DIP2B: variants seen among roughly 807,000 people sequenced by gnomAD.
DIP2B encodes DIP2 acetate--CoA ligase B (putative), also known as disco-interacting protein 2 homolog B.
In DIP2B, 76 loss-of-function variants were observed where a neutral mutation model predicts 198.0. The observed-to-expected ratio is 0.38, with a 90% CI of 0.32 to 0.46. The LOEUF (loss-of-function observed/expected upper bound fraction) is 0.46, where lower values mean the gene tolerates loss of function less well. Ranked by LOEUF, DIP2B falls within the 20% of genes least tolerant of loss-of-function variation. The probability of loss-of-function intolerance (pLI) is 0.99; values close to 1 mark genes in which losing one functional copy is unlikely to be tolerated. For synonymous variants in DIP2B, 701 were observed against 739.1 expected, an observed-to-expected ratio of 0.95 and a Z score of 0.84; for missense variants, 1,559 against 1,978.4, an observed-to-expected ratio of 0.79 and a Z score of 4.02.
intron 13 of DIP2B, among the ~76,000 whole-genome samples, chr12:50,691,689 T>A (rs1265735730): frequency 1.3e-5 from 2 of 152,158 alleles, no homozygotes; most frequent in African/African-American, 4.8e-5. Flanking sequence ...CAGACAACAA[T>A]GTTCTATCAT....
intron 1 of DIP2B, among the ~76,000 whole-genome samples, chr12:50,599,045 TCTGG>T (rs1299105103): frequency 1.5e-5 from 2 of 136,732 alleles, no homozygotes; most frequent in African/African-American, 5.6e-5. Flanking sequence ...ATCCCAGCAC[TCTGG>T]GAGTCTGAGG....
intron 25 of DIP2B, among the ~76,000 whole-genome samples, chr12:50,720,022 C>G (rs920515999): frequency 6.6e-6 from 1 of 150,634 alleles, no homozygotes; most frequent in South Asian, 2.1e-4. Context: ...CCTCTGCCTC[C>G]TGGGTTCAAG....
intron 1 of DIP2B, among the ~76,000 whole-genome samples, chr12:50,521,146 G>A (rs1958114579): frequency 8.1e-6 from 1 of 122,736 alleles, no homozygotes; most frequent in Admixed American, 1.0e-4. Flanking sequence ...TCCCTCTGTC[G>A]CCCAGGCTGG....
chr12:50,509,834 G>T (rs1957999075), intron 1 of DIP2B, among the ~76,000 whole-genome samples: 1 of 152,164 alleles, frequency 6.6e-6, no homozygotes, highest in Non-Finnish European at 1.5e-5. Flanking sequence ...AGATTCGTAG[G>T]ATACACCTTT....
intron 19 of DIP2B, among the ~76,000 whole-genome samples, chr12:50,699,897 C>CA (rs71441394): frequency 0.3 from 42,561 of 141,784 alleles, 6,244 homozygotes; most frequent in East Asian, 0.44. Flanking sequence ...ACAACAAAAC[C>CA]AAAAAAAAAA....
chr12:50,559,103 G>A (rs913166531), intron 1 of DIP2B, among the ~76,000 whole-genome samples: 1 of 152,118 alleles, frequency 6.6e-6, no homozygotes, highest in African/African-American at 2.4e-5. Context: ...CCAGTAGCAT[G>A]TACCAAGGTG....
Position 50,554,364 on chromosome 12 carries a change from A to T in DIP2B, c.100+49124A>T, listed in dbSNP as rs550021716. On this transcript the variant is annotated intron_variant, in intron 1 of 37. Coordinates refer to ENST00000301180, the MANE Select transcript of DIP2B (RefSeq NM_173602.3). Reference sequence around the variant, plus strand: ...TGTAAATGCTGTTGATAGCTAAATCATGTGGTATACTTTTATTTTTTTCTT... The same window carrying T: ...TGTAAATGCTGTTGATAGCTAAATCTTGTGGTATACTTTTATTTTTTTCTT... Among the ~76,000 whole-genome samples the T allele has an allele frequency of 6.6e-5, 10 of 152,132 alleles. No individual in the cohort carries two copies. The Middle Eastern group carries it at 0.014, about 207-fold the overall frequency.
At chr12:50,563,486 CTTT>C (rs71083598) in intron 1 of DIP2B, among the ~76,000 whole-genome samples, 7 of 115,536 alleles carry the variant, frequency 6.1e-5, no homozygotes, top group Non-Finnish European at 8.6e-5. Context: ...TGCACCTGGC[CTTT>C]TTTTTTTTTT....
At chr12:50,700,897 A>G (rs1939405642) in intron 19 of DIP2B, among the ~76,000 whole-genome samples, 1 of 152,184 alleles carries the variant, frequency 6.6e-6, no homozygotes, top group South Asian at 2.1e-4. Flanking sequence ...CCCAGGCTGG[A>G]ATACGGTGGC....
intron 1 of DIP2B, among the ~76,000 whole-genome samples, chr12:50,575,391 G>GT (rs55820615): frequency 0.3 from 44,927 of 150,302 alleles, 6,897 homozygotes; most frequent in South Asian, 0.38. Flanking sequence ...GTTTTGTTTT[G>GT]TTTTTTTTTG....
At chr12:50,517,947 A>G (rs983981395) in intron 1 of DIP2B, among the ~76,000 whole-genome samples, 2 of 152,162 alleles carry the variant, frequency 1.3e-5, no homozygotes, top group African/African-American at 4.8e-5. Context: ...ATAAGTAGTC[A>G]TCAGTTATTG....
At position 50,685,964 on chromosome 12, in the gene DIP2B, A is replaced by G; in HGVS notation, c.1441+8A>G. The G allele has an allele frequency of 6.2e-7, 1 of 1,607,912 alleles. No homozygotes were observed. The highest frequency in any genetic ancestry group is 8.5e-7 in the Non-Finnish European group (1 of 1,178,018). On this transcript the variant is annotated splice_region_variant and intron_variant, in intron 11 of 37. Coordinates refer to ENST00000301180, the MANE Select transcript of DIP2B (RefSeq NM_173602.3). ...AAATTGTACAGTTTAAAGGTTAGTAACATTGTACCTGAATTATCAGTTAAA... is the reference window on the plus strand; with the variant it reads ...AAATTGTACAGTTTAAAGGTTAGTAGCATTGTACCTGAATTATCAGTTAAA...
chr12:50,579,482 G>A (rs1023447967), intron 1 of DIP2B, among the ~76,000 whole-genome samples: 4 of 150,166 alleles, frequency 2.7e-5, no homozygotes, highest in Admixed American at 6.7e-5. Flanking sequence ...TGTGGTGGCA[G>A]GTGCCTGTAA....
chr12:50,577,728 A>G (rs923141367), intron 1 of DIP2B, among the ~76,000 whole-genome samples: 2 of 151,860 alleles, frequency 1.3e-5, no homozygotes, highest in Non-Finnish European at 2.9e-5. Flanking sequence ...ATTCTTATAA[A>G]TGTCTTTTCA....
At chr12:50,564,364 T>C (rs1368480536) in intron 1 of DIP2B, among the ~76,000 whole-genome samples, 1 of 152,216 alleles carries the variant, frequency 6.6e-6, no homozygotes, top group Non-Finnish European at 1.5e-5. Context: ...AGAATTTCTT[T>C]CAATGTATGC....
At chr12:50,700,397 A>G (rs772234766) in intron 19 of DIP2B, among the ~76,000 whole-genome samples, 13 of 152,182 alleles carry the variant, frequency 8.5e-5, no homozygotes, top group Non-Finnish European at 1.8e-4. Flanking sequence ...TTCACACAAG[A>G]CAGAGCTTAT....
At chr12:50,533,814 C>T (rs1958239935) in intron 1 of DIP2B, among the ~76,000 whole-genome samples, 1 of 152,042 alleles carries the variant, frequency 6.6e-6, no homozygotes, top group South Asian at 2.1e-4. Context: ...TCTTGAACTC[C>T]TGGGCTCAAG....
At chr12:50,592,028 T>C (rs1033489327) in intron 1 of DIP2B, among the ~76,000 whole-genome samples, 6 of 151,206 alleles carry the variant, frequency 4.0e-5, no homozygotes, top group Admixed American at 2.0e-4. Flanking sequence ...CAGGCATGTG[T>C]CACCATGCCC....
At chr12:50,506,994 T>G (rs1052834195) in intron 1 of DIP2B, among the ~76,000 whole-genome samples, 4 of 152,174 alleles carry the variant, frequency 2.6e-5, no homozygotes, top group Non-Finnish European at 2.9e-5. Context: ...TCCAGCTGAT[T>G]GTTGTTTACA....
Sources: allele counts gnomAD v4.1 joint callset (sites outside exome capture counted in the v4.1 genomes callset), GRCh38; gene constraint gnomAD v4.1.1; transcripts MANE v1.5; gene names NCBI Gene and HGNC (gene_info 2026-07-23, HGNC 2026-07-21).